Variants in ITGBL1 observed in about 807,000 individuals in gnomAD.
ITGBL1 encodes the protein integrin subunit beta like 1, also known as integrin beta-like protein 1.
Under a neutral mutation model 68.5 loss-of-function variants are expected in ITGBL1, and 51 were observed. The observed-to-expected ratio is 0.74, with a 90% confidence interval of 0.59 to 0.94. The LOEUF (loss-of-function observed/expected upper bound fraction) is 0.94, where lower values mean the gene tolerates loss of function less well. ITGBL1 is among the 40% of genes least tolerant of loss of function. The pLI is 0.00. For synonymous variants in ITGBL1, 209 were observed against 227.3 expected (o/e 0.92, Z 0.72); for missense variants, 649 against 647.4 (o/e 1.00, Z -0.03).
intron 2 of ITGBL1, among the ~76,000 whole-genome samples, chr13:101,541,435 T>G (rs939289985): frequency 1.9e-4 from 29 of 152,294 alleles, no homozygotes; most frequent in African/African-American, 6.5e-4. Flanking sequence ...CTTTTTGGTG[T>G]GCTGCTGGAT....
chr13:101,477,246 T>A (rs2048551374), intron 2 of ITGBL1, among the ~76,000 whole-genome samples: 1 of 152,000 alleles, frequency 6.6e-6, no homozygotes, highest in Non-Finnish European at 1.5e-5. Flanking sequence ...GAATGACCAA[T>A]GGGTCAATGA....
At chr13:101,454,512 A>G (rs1356948696) in intron 2 of ITGBL1, among the ~76,000 whole-genome samples, 6 of 151,732 alleles carry the variant, frequency 4.0e-5, no homozygotes, top group South Asian at 2.1e-4. Flanking sequence ...GCTTAATTCT[A>G]AAATCTCACT....
At chr13:101,459,615 C>CT (rs1445833984) in intron 2 of ITGBL1, among the ~76,000 whole-genome samples, 1 of 152,010 alleles carries the variant, frequency 6.6e-6, no homozygotes, top group Non-Finnish European at 1.5e-5. Context: ...TGGTGCACAC[C>CT]TGTAGTCCCA....
chr13:101,712,700 A>G (rs2034528101), intron 9 of ITGBL1: 1 of 152,204 alleles, frequency 6.6e-6, no homozygotes, highest in Non-Finnish European at 1.5e-5. Flanking sequence ...AGTCAATGAA[A>G]TACTCCATGT....
intron 3 of ITGBL1, among the ~76,000 whole-genome samples, chr13:101,573,636 C>T (rs2050308390): frequency 6.6e-6 from 1 of 152,100 alleles, no homozygotes; most frequent in Non-Finnish European, 1.5e-5. Context: ...TTGGTATTGG[C>T]AGCAGTTCTA....
intron 2 of ITGBL1, among the ~76,000 whole-genome samples, chr13:101,511,766 C>G (rs2049119547): frequency 6.6e-6 from 1 of 152,078 alleles, no homozygotes; most frequent in South Asian, 2.1e-4. Flanking sequence ...GAGAATGCAG[C>G]CAGACATGCA....
intron 2 of ITGBL1, among the ~76,000 whole-genome samples, chr13:101,508,059 C>T (rs569198091): frequency 6.6e-6 from 1 of 152,282 alleles, no homozygotes; most frequent in African/African-American, 2.4e-5. Context: ...GAGACTTTAT[C>T]TGCTCACTGA....
At chr13:101,688,353 A>C (rs541687022) in intron 7 of ITGBL1, among the ~76,000 whole-genome samples, 1 of 152,294 alleles carries the variant, frequency 6.6e-6, no homozygotes, top group East Asian at 1.9e-4. Context: ...CTGGGATGGC[A>C]AGGAAGGTTT....
At chr13:101,672,572 C>T (rs867938597) in intron 7 of ITGBL1, among the ~76,000 whole-genome samples, 3 of 152,040 alleles carry the variant, frequency 2.0e-5, no homozygotes, top group Admixed American at 6.6e-5. Context: ...TAGGGTGGGG[C>T]GACCAGCCTT....
chr13:101,525,537 T>TA (rs1555356248), intron 2 of ITGBL1, among the ~76,000 whole-genome samples: 36 of 148,864 alleles, frequency 2.4e-4, no homozygotes, highest in East Asian at 1.6e-3. Context: ...TTTTTTTTTT[T>TA]ATGTGGAAAA....
chr13:101,534,012 G>A (rs757084083), intron 2 of ITGBL1, among the ~76,000 whole-genome samples: 1 of 152,132 alleles, frequency 6.6e-6, no homozygotes, highest in Non-Finnish European at 1.5e-5. Context: ...GAGATAGAAA[G>A]GCATTCAGAA....
At chr13:101,521,968 C>T (rs2049292862) in intron 2 of ITGBL1, among the ~76,000 whole-genome samples, 2 of 151,692 alleles carry the variant, frequency 1.3e-5, no homozygotes, top group East Asian at 3.9e-4. Context: ...CAGACACCAC[C>T]TTCTGCTGTG....
At chr13:101,508,517 C>T (rs1742388241) in intron 2 of ITGBL1, among the ~76,000 whole-genome samples, 1 of 152,108 alleles carries the variant, frequency 6.6e-6, no homozygotes, top group African/African-American at 2.4e-5. Flanking sequence ...TGTGAGCTTC[C>T]ATTTTATCAC....
At chr13:101,577,781 A>G (rs1301664702) in intron 4 of ITGBL1, among the ~76,000 whole-genome samples, 2 of 152,130 alleles carry the variant, frequency 1.3e-5, no homozygotes, top group African/African-American at 4.8e-5. Context: ...GGCCTGTGAT[A>G]TATCACTAGG....
chr13:101,610,025 A>G (rs1421797056), intron 7 of ITGBL1, among the ~76,000 whole-genome samples: 2 of 152,176 alleles, frequency 1.3e-5, no homozygotes, highest in East Asian at 3.8e-4. Flanking sequence ...GTCAAAATGT[A>G]TTTGAAATGA....
At chr13:101,591,405 A>G (rs2050652788) in intron 6 of ITGBL1, among the ~76,000 whole-genome samples, 1 of 152,208 alleles carries the variant, frequency 6.6e-6, no homozygotes, top group African/African-American at 2.4e-5. Context: ...TTATGGCAAC[A>G]ATTTGTCAAA....
intron 2 of ITGBL1, among the ~76,000 whole-genome samples, chr13:101,556,078 G>A (rs961444899): frequency 1.3e-5 from 2 of 152,162 alleles, no homozygotes; most frequent in Non-Finnish European, 2.9e-5. Context: ...AGTGCTTTGT[G>A]CATACTGACT....
chr13:101,604,817 T>C (rs1362950049), intron 7 of ITGBL1, among the ~76,000 whole-genome samples: 1 of 118,370 alleles, frequency 8.4e-6, no homozygotes, highest in African/African-American at 3.1e-5. Context: ...AAGAATATAC[T>C]GAAGTTTGTC....
At chr13:101,716,693 A>G (rs1400413818), downstream of ITGBL1, 1 of 151,880 alleles carries the variant, frequency 6.6e-6, no homozygotes, top group Non-Finnish European at 1.5e-5. Flanking sequence ...TTTTTTTCTA[A>G]GGATACCTTA....
Sources: gnomAD v4.1 joint callset for allele counts (sites outside exome capture counted in the v4.1 genomes callset) on GRCh38, gnomAD v4.1.1 for gene constraint, MANE v1.5 for transcripts, NCBI Gene and HGNC (gene_info 2026-07-23, HGNC 2026-07-21) for gene names.